CCDC169: variants seen among roughly 807,000 people sequenced by gnomAD.
CCDC169 encodes the protein coiled-coil domain-containing protein 169.
In CCDC169, 30 loss-of-function variants were observed where a neutral mutation model predicts 36.0. The ratio of observed to expected loss-of-function variants is 0.83; its 90% CI spans 0.62 to 1.13. The LOEUF is 1.13. CCDC169 is among the 50% of genes most tolerant of loss of function. The probability of loss-of-function intolerance (pLI) is 0.00; values close to 1 mark genes in which losing one functional copy is unlikely to be tolerated. For synonymous variants in CCDC169, 85 were observed against 81.5 expected (o/e 1.04, Z -0.23); for missense variants, 245 against 245.9 (o/e 1.00, Z 0.03).
intron 4 of CCDC169, among the ~76,000 whole-genome samples, chr13:36,271,019 C>T (rs1183439100): frequency 6.6e-6 from 1 of 152,112 alleles, no homozygotes; most frequent in Admixed American, 6.5e-5. Context: ...TTGCAAACCA[C>T]ACATCTGATA....
At chr13:36,251,032 C>A (rs1010613030) in intron 6 of CCDC169, among the ~76,000 whole-genome samples, 1 of 152,160 alleles carries the variant, frequency 6.6e-6, no homozygotes, top group Non-Finnish European at 1.5e-5. Context: ...TCTAATCGGT[C>A]TTTCTGCCTG....
intron 7 of CCDC169, among the ~76,000 whole-genome samples, chr13:36,248,388 G>A (rs551303305): frequency 3.5e-4 from 53 of 151,698 alleles, no homozygotes; most frequent in African/African-American, 1.1e-3. Flanking sequence ...ATATATTATC[G>A]TGCTTGAGGA....
intron 7 of CCDC169, among the ~76,000 whole-genome samples, chr13:36,239,090 G>T (rs9635060): frequency 0.41 from 61,477 of 151,588 alleles, 13,240 homozygotes; most frequent in Non-Finnish European, 0.48. Flanking sequence ...ATCAAAAAAT[G>T]AGCTGGACAT....
intron 4 of CCDC169, among the ~76,000 whole-genome samples, chr13:36,258,607 A>C (rs569386028): frequency 5.3e-5 from 8 of 152,304 alleles, no homozygotes; most frequent in African/African-American, 1.9e-4. Flanking sequence ...ATGCCATGGC[A>C]ACATCAGGAA....
chr13:36,255,769 A>G (rs748986), intron 4 of CCDC169, among the ~76,000 whole-genome samples: 1 of 151,714 alleles, frequency 6.6e-6, no homozygotes, highest in South Asian at 2.1e-4. Context: ...CTTCTCCAAC[A>G]TCCCCTCAGG....
At chr13:36,263,074 G>A (rs1874798066) in intron 4 of CCDC169, among the ~76,000 whole-genome samples, 1 of 152,140 alleles carries the variant, frequency 6.6e-6, no homozygotes, top group Non-Finnish European at 1.5e-5. Flanking sequence ...TGGTATCTGG[G>A]TTGCTGAAAA....
intron 7 of CCDC169, among the ~76,000 whole-genome samples, chr13:36,238,101 A>G (rs1196565426): frequency 6.6e-6 from 1 of 152,180 alleles, no homozygotes; most frequent in Admixed American, 6.5e-5. Flanking sequence ...CAGAAAGCAG[A>G]TTAGTAATTG....
chr13:36,233,460 T>G (rs988879262), intron 7 of CCDC169, among the ~76,000 whole-genome samples: 7 of 151,934 alleles, frequency 4.6e-5, no homozygotes, highest in African/African-American at 1.7e-4. Context: ...AAGCAACAAA[T>G]AAACACTTTC....
At chr13:36,297,584 G>A (rs1879683341) in intron 1 of CCDC169, 53 bp downstream of exon 1, 1 of 1,517,962 alleles carries the variant, frequency 6.6e-7, no homozygotes, top group Non-Finnish European at 8.9e-7. Context: ...CTCTGCAGGT[G>A]AAGGCTCGGG....
Position 36,231,227 on chromosome 13 carries a change from G to A in CCDC169, c.611C>T (p.Thr204Ile). ...GAGTTCTGGAAGATGGTTTGGTCTT[G>A]TAATCTTTTTTACTGGTCCTCTCTT... ...SAKRGPVKKI[T>I]RPNHLPELHP Residue 204 changes from threonine (T) to isoleucine (I), a missense_variant, in exon 8 of 8, where the codon ACA becomes ATA. Transcript: ENST00000239859. 6.4e-7 allele frequency: 1 copy of A among 1,551,354 alleles called. No individual in the cohort carries two copies. The highest frequency in any genetic ancestry group is 1.2e-5 in the South Asian group (1 of 84,054).
intron 1 of CCDC169, among the ~76,000 whole-genome samples, chr13:36,296,219 A>G (rs9547137): frequency 0.25 from 38,492 of 151,988 alleles, 5,150 homozygotes; most frequent in East Asian, 0.49. Context: ...AGCCTCCTGA[A>G]TAGCTGGGAT....
At chr13:36,271,750 G>A (rs545265069) in intron 4 of CCDC169, among the ~76,000 whole-genome samples, 107 of 152,102 alleles carry the variant, frequency 7.0e-4, no homozygotes, top group African/African-American at 2.4e-3. Flanking sequence ...CTTTAGAGAT[G>A]CAGAAGGGGG....
downstream of CCDC169, chr13:36,227,491 T>C (rs56183261): frequency 2.8e-4 from 294 of 1,051,374 alleles, no homozygotes; most frequent in South Asian, 7.8e-4. Flanking sequence ...CACACACACA[T>C]ATACACAAAA....
chr13:36,277,946 A>T (rs1304783818), intron 4 of CCDC169, among the ~76,000 whole-genome samples: 2 of 82,334 alleles, frequency 2.4e-5, no homozygotes, highest in African/African-American at 7.6e-5. Flanking sequence ...CTCCGTCTCA[A>T]AAAAAAAAAA....
intron 3 of CCDC169, 41 bp downstream of exon 3, chr13:36,283,551 T>G: frequency 6.4e-7 from 1 of 1,550,942 alleles, no homozygotes; most frequent in Non-Finnish European, 8.7e-7. Flanking sequence ...TTTATCAGTT[T>G]TAACTCAAAT....
intron 4 of CCDC169, chr13:36,280,046 T>C (rs944086780): frequency 2.0e-5 from 3 of 151,930 alleles, no homozygotes. Flanking sequence ...AATGAAATAC[T>C]ATACAACTGA....
At chr13:36,229,047 G>A (rs1482465196), downstream of CCDC169, among the ~76,000 whole-genome samples, 1 of 151,946 alleles carries the variant, frequency 6.6e-6, no homozygotes, top group Non-Finnish European at 1.5e-5. Flanking sequence ...TTATCTTGTA[G>A]GTATTTTTTG....
chr13:36,254,016 GA>G lies in CCDC169; in HGVS notation c.414+28del, dbSNP rs758195882. 4 of 1,535,428 alleles carry G rather than the reference GA, an allele frequency of 2.6e-6. No individual in the cohort carries two copies. The African/African-American group carries it at 5.5e-5, about 21-fold the overall frequency. ...ATTAGAAATAATGGCAGTTTCAAAG[GA>G]ATTGCTAAGTATAGAGTAAAAACAA... On this transcript the variant is annotated intron_variant, in intron 5 of 7. Transcript: ENST00000239859.
chr13:36,254,294 T>TA (rs1873561469), intron 4 of CCDC169, among the ~76,000 whole-genome samples, 151 bp from the exon 5 acceptor site: 1 of 150,076 alleles, frequency 6.7e-6, no homozygotes, highest in African/African-American at 2.4e-5. Context: ...TTTTTTTTTT[T>TA]AGACAGAGTC....
Sources: gnomAD v4.1 joint callset for allele counts (sites outside exome capture counted in the v4.1 genomes callset) on GRCh38, gnomAD v4.1.1 for gene constraint, MANE v1.5 for transcripts, NCBI Gene and HGNC (gene_info 2026-07-23, HGNC 2026-07-21) for gene names.